Variants in C12orf42 observed in about 807,000 individuals in gnomAD.
C12orf42 encodes the protein uncharacterized protein C12orf42.
In C12orf42, 25 loss-of-function variants were observed where a neutral mutation model predicts 21.6. That is an observed-to-expected ratio of 1.16 (90% CI 0.84 to 1.62). The LOEUF (loss-of-function observed/expected upper bound fraction) is 1.62. Ranked by LOEUF, C12orf42 falls within the 40% of genes most tolerant of loss-of-function variation. The probability of loss-of-function intolerance (pLI) is 0.00; values close to 1 mark genes in which losing one functional copy is unlikely to be tolerated. For missense variants in C12orf42, 483 were observed against 459.3 expected (o/e 1.05, Z -0.47); for synonymous variants, 174 against 175.0 (o/e 0.99, Z 0.05).
the C12orf42 span, among the ~76,000 whole-genome samples, chr12:103,114,594 G>A: frequency 6.6e-6 from 1 of 152,096 alleles, no homozygotes; most frequent in East Asian, 1.9e-4. Context: ...TTATCATGTG[G>A]GCAAGTTAGT....
chr12:103,401,103 T>G (rs886209033), intron 3 of C12orf42, among the ~76,000 whole-genome samples: 1 of 152,158 alleles, frequency 6.6e-6, no homozygotes, highest in Non-Finnish European at 1.5e-5. Context: ...TTCATAGTCA[T>G]GCATATGCAC....
At chr12:103,195,253 A>G in the C12orf42 span, among the ~76,000 whole-genome samples, 1 of 152,258 alleles carries the variant, frequency 6.6e-6, no homozygotes, top group Non-Finnish European at 1.5e-5. Flanking sequence ...TATGATGAAT[A>G]TACACATGCA....
intron 4 of C12orf42, among the ~76,000 whole-genome samples, chr12:103,367,010 T>C (rs888301557): frequency 6.6e-6 from 1 of 152,084 alleles, no homozygotes; most frequent in Non-Finnish European, 1.5e-5. Context: ...TGCTTGTTTA[T>C]ATAAGCACAA....
intron 4 of C12orf42, among the ~76,000 whole-genome samples, chr12:103,316,694 C>G (rs1324485788): frequency 6.6e-6 from 1 of 152,042 alleles, no homozygotes; most frequent in Non-Finnish European, 1.5e-5. Flanking sequence ...ATATGTGTAA[C>G]TGTTCACAAG....
At chr12:103,414,931 G>A (rs567410162) in intron 2 of C12orf42, among the ~76,000 whole-genome samples, 1 of 152,188 alleles carries the variant, frequency 6.6e-6, no homozygotes, top group African/African-American at 2.4e-5. Flanking sequence ...TTGAATAAGA[G>A]TGGTGAGAGG....
At chr12:103,364,215 T>G (rs1014475761) in intron 4 of C12orf42, among the ~76,000 whole-genome samples, 1 of 152,080 alleles carries the variant, frequency 6.6e-6, no homozygotes, top group Admixed American at 6.6e-5. Flanking sequence ...TGCAAATACA[T>G]GGAAATTAAA....
At chr12:103,417,909 C>T (rs1055227723) in intron 2 of C12orf42, among the ~76,000 whole-genome samples, 65 of 152,144 alleles carry the variant, frequency 4.3e-4, no homozygotes, top group African/African-American at 1.5e-3. Flanking sequence ...ATTTAAGTAA[C>T]AGAAACCAGA....
At chr12:103,483,194 A>G (rs1954592311) in intron 1 of C12orf42, among the ~76,000 whole-genome samples, 1 of 152,068 alleles carries the variant, frequency 6.6e-6, no homozygotes, top group Admixed American at 6.6e-5. Flanking sequence ...CCAAGAGTGA[A>G]CTCTAATGTG....
chr12:103,557,415 T>C, the C12orf42 span: 1 of 152,212 alleles, frequency 6.6e-6, no homozygotes. Context: ...ATAGCAGATA[T>C]TGTTGTCCAG....
chr12:103,065,248 G>A, the C12orf42 span, among the ~76,000 whole-genome samples: 1 of 152,194 alleles, frequency 6.6e-6, no homozygotes. Flanking sequence ...GAATGACAAT[G>A]GATTATCATA....
At chr12:103,479,114 T>C (rs975688435) in intron 1 of C12orf42, among the ~76,000 whole-genome samples, 5 of 152,082 alleles carry the variant, frequency 3.3e-5, no homozygotes, top group Admixed American at 6.6e-5. Context: ...TCAGGAGTTA[T>C]TAGGATTTGC....
chr12:103,114,496 G>A, the C12orf42 span, among the ~76,000 whole-genome samples: 2 of 152,188 alleles, frequency 1.3e-5, no homozygotes, highest in Non-Finnish European at 2.9e-5. Context: ...CACACTCTGG[G>A]TTGGGGCCCA....
chr12:103,073,903 G>A, the C12orf42 span, among the ~76,000 whole-genome samples: 794 of 152,158 alleles, frequency 5.2e-3, 6 homozygotes, highest in Middle Eastern at 0.017. Context: ...GACGTCATAC[G>A]TGGGGATTGC....
downstream of C12orf42, among the ~76,000 whole-genome samples, chr12:103,237,196 A>C (rs2033495263): frequency 6.6e-6 from 1 of 152,224 alleles, no homozygotes. Flanking sequence ...GTTGTTTTAC[A>C]AAACTCCCTC....
chr12:103,562,693 G>A, the C12orf42 span, among the ~76,000 whole-genome samples: 1 of 152,234 alleles, frequency 6.6e-6, no homozygotes, highest in Non-Finnish European at 1.5e-5. Flanking sequence ...GGAACTTTCT[G>A]AAAATCCATT....
chr12:103,159,239 C>T, the C12orf42 span, among the ~76,000 whole-genome samples: 53 of 152,096 alleles, frequency 3.5e-4, no homozygotes, highest in Non-Finnish European at 3.1e-4. Flanking sequence ...ATCCCTGCAC[C>T]TCTTCTTCCC....
At chr12:103,342,534 C>T (rs747193558) in intron 4 of C12orf42, among the ~76,000 whole-genome samples, 5 of 152,100 alleles carry the variant, frequency 3.3e-5, no homozygotes, top group Non-Finnish European at 5.9e-5. Context: ...CCATAGTAGA[C>T]TATGGAAGAA....
chr12:103,483,263 T>C (rs1954597149), intron 1 of C12orf42, among the ~76,000 whole-genome samples: 1 of 152,098 alleles, frequency 6.6e-6, no homozygotes, highest in South Asian at 2.1e-4. Context: ...AACGTACCAC[T>C]TGGATTGGGT....
chr12:103,142,307 T>C, the C12orf42 span, among the ~76,000 whole-genome samples: 1 of 152,206 alleles, frequency 6.6e-6, no homozygotes, highest in Admixed American at 6.5e-5. Context: ...CTCTCTGAGA[T>C]GAACAACACA....
Sources: allele counts gnomAD v4.1 joint callset (sites outside exome capture counted in the v4.1 genomes callset), GRCh38; gene constraint gnomAD v4.1.1; transcripts MANE v1.5; gene names NCBI Gene and HGNC (gene_info 2026-07-23, HGNC 2026-07-21).